The following PTPRG variants were observed in gnomAD, a reference collection of about 807,000 sequenced individuals.
The protein encoded by PTPRG is protein tyrosine phosphatase receptor type G.
A neutral mutation model predicts 165.3 loss-of-function variants in PTPRG; 102 were observed. That is an observed-to-expected ratio of 0.62 (90% CI 0.53 to 0.73). The LOEUF is 0.73. Among genes scored for constraint, PTPRG ranks in the 30% least tolerant of loss-of-function variants. The pLI is 0.00. For synonymous variants in PTPRG, 675 were observed against 669.5 expected, an observed-to-expected ratio of 1.01 and a Z score of -0.13; for missense variants, 1,866 against 1,861.4, an observed-to-expected ratio of 1.00 and a Z score of -0.05.
chr3:61,930,221 T>G (rs1329637190), intron 2 of PTPRG, among the ~76,000 whole-genome samples: 1 of 152,220 alleles, frequency 6.6e-6, no homozygotes, highest in Non-Finnish European at 1.5e-5. Flanking sequence ...CTGTTTCAGC[T>G]GTGTGTGTTT....
In PTPRG at chr3:62,220,724, T is replaced by C. The variant is rs542193977; in HGVS notation, c.2288+1741T>C. 3.3e-5 allele frequency among the ~76,000 whole-genome samples: 5 copies of C among 152,300 alleles called. No individual in the cohort carries two copies. The South Asian group carries it at 8.3e-4, about 25-fold the overall frequency. On this transcript the variant is annotated intron_variant, in intron 13 of 29. Coordinates refer to ENST00000474889, the MANE Select transcript of PTPRG (RefSeq NM_002841.4). The stretch of plus-strand genomic sequence containing the variant: ...ATTGTGCAAATATGTTTGAAGCCCA[T>C]TGGTAAACTGGAGGCCACCTAGTGT...
At chr3:61,890,053 A>G (rs1032672619) in intron 2 of PTPRG, among the ~76,000 whole-genome samples, 27 of 152,208 alleles carry the variant, frequency 1.8e-4, no homozygotes, top group Non-Finnish European at 3.1e-4. Context: ...TTGTACGAAG[A>G]TATTTTAAGT....
intron 2 of PTPRG, chr3:61,750,314 C>T (rs1394999602): frequency 1.3e-5 from 2 of 152,172 alleles, no homozygotes; most frequent in Admixed American, 1.3e-4. Context: ...TACAGTTCAT[C>T]AGTTTAGAAT....
Position 62,072,303 on chromosome 3 carries a change from G to A in PTPRG, c.520-5860G>A, listed in dbSNP as rs545561828. On this transcript the variant is annotated intron_variant, in intron 4 of 29. Transcript: ENST00000474889. ...GTATTTTAGGACATGTTTCCTGGTC[G>A]ATGATGATGCTTTTAATGTGAGTTG... Among the ~76,000 whole-genome samples, 5 of 152,222 alleles carry A rather than the reference G, an allele frequency of 3.3e-5. No homozygotes were observed. The South Asian group carries it at 1.0e-3, about 32-fold the overall frequency.
At chr3:61,627,694 T>A (rs541842306) in intron 1 of PTPRG, among the ~76,000 whole-genome samples, 4 of 152,340 alleles carry the variant, frequency 2.6e-5, no homozygotes, top group African/African-American at 9.6e-5. Flanking sequence ...CTTTTTTAAA[T>A]TTTAGAATGC....
At chr3:62,129,411 G>A (rs537918353) in intron 5 of PTPRG, among the ~76,000 whole-genome samples, 96 of 152,290 alleles carry the variant, frequency 6.3e-4, no homozygotes, top group African/African-American at 2.1e-3. Flanking sequence ...GCCACACTGG[G>A]TAATTTATAA....
rs923852111 is a variant in PTPRG, at chr3:62,273,903, G to A, written c.3465+59G>A. 29 of 1,541,734 alleles carry A rather than the reference G, an allele frequency of 1.9e-5. No homozygotes were observed. Among genetic ancestry groups the A allele is most frequent in the Middle Eastern group, 1.7e-4 (1 of 5,850 alleles). The stretch of plus-strand genomic sequence containing the variant: ...CAAGAAAATGTTTTAAATGCCTTGA[G>A]TTTGGGGGTTATGTCTTCTTTGCAT... On this transcript the variant is annotated intron_variant, in intron 23 of 29. Transcript: ENST00000474889. The surrounding 1 kb of genome is among the most constrained non-coding windows in gnomAD (Gnocchi z 4.1).
At chr3:61,836,021 C>G (rs1012759621) in intron 2 of PTPRG, among the ~76,000 whole-genome samples, 2 of 149,472 alleles carry the variant, frequency 1.3e-5, no homozygotes, top group Admixed American at 1.3e-4. Flanking sequence ...GCCTGGGCAA[C>G]AAGAGTAAAT....
At chr3:61,737,972 G>C (rs1489085909) in intron 1 of PTPRG, among the ~76,000 whole-genome samples, 7 of 149,678 alleles carry the variant, frequency 4.7e-5, no homozygotes, top group African/African-American at 1.7e-4. Context: ...GCAGTGGCGC[G>C]ATCTTGGCTC....
intron 2 of PTPRG, among the ~76,000 whole-genome samples, chr3:61,863,509 C>A (rs1395082228): frequency 6.6e-6 from 1 of 152,202 alleles, no homozygotes; most frequent in Non-Finnish European, 1.5e-5. Flanking sequence ...AGACTTAATT[C>A]CTGGCCTTCT....
intron 6 of PTPRG, among the ~76,000 whole-genome samples, chr3:62,156,261 G>A (rs890595846): frequency 1.3e-5 from 2 of 152,136 alleles, no homozygotes; most frequent in South Asian, 4.2e-4. Flanking sequence ...AGAGCTGTGT[G>A]GAGTCTTCGG....
chr3:61,832,606 AG>A (rs2036329782), intron 2 of PTPRG, among the ~76,000 whole-genome samples: 1 of 152,182 alleles, frequency 6.6e-6, no homozygotes, highest in Non-Finnish European at 1.5e-5. Flanking sequence ...CTTGTAGGGT[AG>A]GTATCATTAT....
At chr3:61,907,110 A>C (rs2038676054) in intron 2 of PTPRG, among the ~76,000 whole-genome samples, 1 of 152,040 alleles carries the variant, frequency 6.6e-6, no homozygotes. Context: ...ACAGTATGCT[A>C]CTTATTCCTT....
At chr3:61,820,603 G>GTTTTTTTTTTTTTTTTTTTTTTT (rs11329820) in intron 2 of PTPRG, among the ~76,000 whole-genome samples, 26 of 65,728 alleles carry the variant, frequency 4.0e-4, no homozygotes, top group African/African-American at 9.1e-4. Flanking sequence ...CTGTGTCTCT[G>GTTTTTTTTTTTTTTTTTTTTTTT]TTTTTTTTTT....
At chr3:61,675,301 G>A (rs1375562751) in intron 1 of PTPRG, among the ~76,000 whole-genome samples, 2 of 152,122 alleles carry the variant, frequency 1.3e-5, no homozygotes, top group Non-Finnish European at 2.9e-5. Context: ...GTAAGGTTTA[G>A]GAAAATATAG....
chr3:61,680,263 C>T (rs1238084696), intron 1 of PTPRG, among the ~76,000 whole-genome samples: 2 of 152,062 alleles, frequency 1.3e-5, no homozygotes, highest in East Asian at 1.9e-4. Context: ...ATTGTGAAGT[C>T]GCCTTCAGAT....
chr3:61,562,430 G>C, intron 1 of PTPRG, 58 bp downstream of exon 1: 1 of 1,554,296 alleles, frequency 6.4e-7, no homozygotes, highest in Non-Finnish European at 8.9e-7. Flanking sequence ...GGGATGCGGA[G>C]TTGTCGCCTG....
At chr3:61,715,969 T>A (rs113009672) in intron 1 of PTPRG, among the ~76,000 whole-genome samples, 2 of 151,632 alleles carry the variant, frequency 1.3e-5, no homozygotes, top group African/African-American at 4.9e-5. Flanking sequence ...TTGTGTAGAG[T>A]ACTCTCCTAG....
At position 62,231,415 on chromosome 3, in the gene PTPRG, A is replaced by C. The variant is rs1040605461; in HGVS notation, c.2375+104A>C. 5 of 836,096 alleles carry C rather than the reference A, an allele frequency of 6.0e-6. No homozygotes were observed. In the Admixed American group the frequency reaches 1.7e-4, roughly 29 times the overall value. The allele number at this position is 836,096 out of a possible 1,614,324, so 51.8% of individuals were successfully genotyped here. A position where few individuals can be genotyped will look rare whatever the true frequency, so the allele number is the denominator to read the frequency against. ...GGGATTGAAGTCTTGTAGATGGCAC[A>C]GTGCTGAAACTCACCTGCTTTACCT... On this transcript the variant is annotated intron_variant, in intron 14 of 29. Coordinates refer to ENST00000474889, the MANE Select transcript of PTPRG (RefSeq NM_002841.4).
Sources: gnomAD v4.1 joint callset for allele counts (sites outside exome capture counted in the v4.1 genomes callset) on GRCh38, gnomAD v4.1.1 for gene constraint, Gnocchi (gnomAD v3.1) non-coding constraint, MANE v1.5 for transcripts, NCBI Gene and HGNC (gene_info 2026-07-23, HGNC 2026-07-21) for gene names.